The following CLCN7 variants were observed in gnomAD, a reference collection of about 807,000 sequenced individuals.
CLCN7 encodes the protein H(+)/Cl(-) exchange transporter 7.
Under a neutral mutation model 102.1 loss-of-function variants are expected in CLCN7, and 60 were observed. The observed-to-expected ratio is 0.59, with a 90% CI of 0.48 to 0.73. The LOEUF (loss-of-function observed/expected upper bound fraction) is 0.73, where lower values mean the gene tolerates loss of function less well. CLCN7 is among the 30% of genes least tolerant of loss of function. The probability of loss-of-function intolerance (pLI) is 0.00; values close to 1 mark genes in which losing one functional copy is unlikely to be tolerated. For missense variants in CLCN7, 962 were observed against 1,125.7 expected, an observed-to-expected ratio of 0.85 and a Z score of 2.08; for synonymous variants, 560 against 490.5, an observed-to-expected ratio of 1.14 and a Z score of -1.87.
rs1301605920 is a variant in CLCN7, at chr16:1,474,875, T to C, written c.100A>G (p.Thr34Ala). 2.1e-6 allele frequency: 3 copies of C among 1,441,838 alleles called. No individual in the cohort carries two copies. The highest frequency in any genetic ancestry group is 9.1e-7 in the Non-Finnish European group (1 of 1,099,850). The allele number at this position is 1,441,838 out of a possible 1,614,324, so 89.3% of individuals were successfully genotyped here. The part of the protein sequence containing the change: ...LRRTARPGGG[T>A]PLLNGAGPGA... Reference sequence around the variant, plus strand: ...GGCCCAGCCCCGTTCAGCAGCGGCGTCCCCCCGCCGGGCCGCGCCGTCCTC... The same window carrying C: ...GGCCCAGCCCCGTTCAGCAGCGGCGCCCCCCCGCCGGGCCGCGCCGTCCTC... Residue 34 changes from threonine to alanine, a missense_variant, in exon 1 of 25, where the codon ACG becomes GCG. By Grantham distance (58) the Thr-to-Ala change is moderately conservative (BLOSUM62 0). This residue lies in a region of CLCN7 where 163 missense variants were observed against 137.7 expected (regional missense o/e 1.18). Transcript: ENST00000382745.
At position 1,468,578 on chromosome 16, in the gene CLCN7, C is replaced by T. The variant is rs531821155; in HGVS notation, c.142-3240G>A. On this transcript the variant is annotated intron_variant, in intron 1 of 24. Transcript: ENST00000382745. ...CTCCTGCCACACACGGCAACCTACA[C>T]GGTCCCAAGCGCCGGACACTAACTA... Among the ~76,000 whole-genome samples the T allele has an allele frequency of 2.8e-3, 420 of 152,274 alleles. 1 individual carries two copies. Among genetic ancestry groups the T allele is most frequent in the Non-Finnish European group, 2.5e-3 (170 of 68,026 alleles).
At chr16:1,463,401 A>T (rs1425378210) in intron 2 of CLCN7, among the ~76,000 whole-genome samples, 1 of 152,158 alleles carries the variant, frequency 6.6e-6, no homozygotes, top group South Asian at 2.1e-4. Context: ...GAAGAAGCTG[A>T]AACGGGAGGA....
chr16:1,447,661 CT>C lies in CLCN7; in HGVS notation c.2066del (p.Lys689SerfsTer18), dbSNP rs2142366092. 1 of 1,557,518 alleles carries C rather than the reference CT, an allele frequency of 6.4e-7. No homozygotes were observed. Among genetic ancestry groups the C allele is most frequent in the Non-Finnish European group, 8.7e-7 (1 of 1,151,030 alleles). ...ILRSQLIVLL[K>X]HKVFVERSNL... is the part of the protein sequence containing the mutation. ...CCCGGAGCCTGGCACGCACCTTGTG[CT>C]TTAGGAGAACGATGAGCTGGGAGCG... On this transcript the variant is annotated frameshift_variant, in exon 22 of 25. Transcript: ENST00000382745. LOFTEE classifies it high-confidence loss of function.
At chr16:1,470,085 T>G (rs998228778) in intron 1 of CLCN7, among the ~76,000 whole-genome samples, 1 of 152,210 alleles carries the variant, frequency 6.6e-6, no homozygotes, top group South Asian at 2.1e-4. Flanking sequence ...CAGTTTCAGT[T>G]TGGCAAGGAA....
At chr16:1,447,761 G>T (rs1422504142) in intron 21 of CLCN7, 47 bp from the exon 22 acceptor site, 6 of 1,537,640 alleles carry the variant, frequency 3.9e-6, no homozygotes, top group Non-Finnish European at 5.3e-6. Context: ...AGGGTGGGAG[G>T]CTGCGCTGGA....
chr16:1,467,060 G>A (rs367702089), intron 1 of CLCN7, among the ~76,000 whole-genome samples: 6 of 151,732 alleles, frequency 4.0e-5, no homozygotes, highest in East Asian at 1.9e-4. Context: ...TTGATGACCC[G>A]GTAAGTGGCC....
At chr16:1,473,370 C>CTTTTTTTTTT (rs779736867) in intron 1 of CLCN7, among the ~76,000 whole-genome samples, 3 of 76,680 alleles carry the variant, frequency 3.9e-5, no homozygotes, top group African/African-American at 5.8e-5. Context: ...CCTTCCTAAA[C>CTTTTTTTTTT]TTTTTTTTTT....
At position 1,446,356 on chromosome 16, in the gene CLCN7, A is replaced by G; in HGVS notation, c.*275T>C. 1.4e-6 allele frequency: 1 copy of G among 702,200 alleles called. No homozygotes were observed. Among genetic ancestry groups the G allele is most frequent in the Non-Finnish European group, 2.6e-6 (1 of 384,728 alleles). 43.5% of individuals were successfully genotyped at this position (702,200 alleles called of 1,614,324 possible). On this transcript the variant is annotated 3_prime_UTR_variant, in exon 25 of 25. Transcript: ENST00000382745. ...ATAGCCCGGTAGGGAGGTCACACAC[A>G]CACAGCTGATCCCTGGAGGTAAAGA...
chr16:1,447,470 G>C lies in CLCN7; in HGVS notation c.2172C>G (p.Ile724Met). Residue 724 changes from isoleucine to methionine, a missense_variant, in exon 23 of 25, where the codon ATC becomes ATG. This residue lies in a region of CLCN7 where 799 missense variants were observed against 988.0 expected (regional missense o/e 0.81). Coordinates refer to ENST00000382745, the MANE Select transcript of CLCN7 (RefSeq NM_001287.6). Reference protein sequence around the residue: ...AYPRFPPIQSIHVSQDERECT... With the variant: ...AYPRFPPIQSMHVSQDERECT... ...ACTCCCGCTCGTCCTGGGACACGTG[G>C]ATGGACTGGATGGGTGGGAAGCGCG... 5 of 1,552,982 alleles carry C rather than the reference G, an allele frequency of 3.2e-6. No individual in the cohort carries two copies. Among genetic ancestry groups the C allele is most frequent in the Non-Finnish European group, 4.4e-6 (5 of 1,148,370 alleles).
At position 1,450,587 on chromosome 16, in the gene CLCN7, C is replaced by T. The variant is rs1596213747; in HGVS notation, c.1527G>A (p.Val509=). 1 of 1,612,426 alleles carries T rather than the reference C, an allele frequency of 6.2e-7. No individual in the cohort carries two copies. The highest frequency in any genetic ancestry group is 8.5e-7 in the Non-Finnish European group (1 of 1,179,742). ...FLACWTYGLT[V]SAGVFIPSLL... is the part of the protein sequence containing the mutation. Reference sequence around the variant, plus strand: ...GGGACGGGATGAAGACCCCGGCAGACACCGTGAGCCCGTAGGTCCAGCAGG... The same window carrying T: ...GGGACGGGATGAAGACCCCGGCAGATACCGTGAGCCCGTAGGTCCAGCAGG... The change falls in exon 17 of 25, where the codon GTG becomes GTA. Residue 509 remains valine, a synonymous_variant. Transcript: ENST00000382745.
At chr16:1,474,785 G>T (rs1347969471) in intron 1 of CLCN7, 49 bp downstream of exon 1, 2 of 1,237,922 alleles carry the variant, frequency 1.6e-6, no homozygotes, top group South Asian at 2.8e-5. Context: ...CGCGGGCTGC[G>T]GGGCGCACGA....
rs2038635689 is a variant in CLCN7 at position 1,446,139 on chromosome 16, C to T, written c.*492G>A. On this transcript the variant is annotated 3_prime_UTR_variant, in exon 25 of 25. Transcript: ENST00000382745. ...GTCCGTGCCTCAGGCCCAGGGACCA[C>T]AGGCCGTCTGCTCATGGCTGAAAAT... 3 of 599,548 alleles carry T rather than the reference C, an allele frequency of 5.0e-6. No homozygotes were observed. The highest frequency in any genetic ancestry group is 1.9e-5 in the African/African-American group (1 of 53,754). The allele number at this position is 599,548 out of a possible 1,614,324, so 37.1% of individuals were successfully genotyped here.
chr16:1,447,236 C>T, intron 23 of CLCN7, 150 bp from the exon 24 acceptor site: 3 of 1,154,524 alleles, frequency 2.6e-6, no homozygotes, highest in South Asian at 1.4e-5. Context: ...AGCCCCTTGA[C>T]TTCAGCTCTA....
At chr16:1,449,156 G>A (rs1303334060) in intron 18 of CLCN7, 63 bp from the exon 19 acceptor site, 4 of 1,603,702 alleles carry the variant, frequency 2.5e-6, no homozygotes, top group Admixed American at 1.7e-5. Flanking sequence ...CGTGGCCACT[G>A]CCTTCTCTGC....
At chr16:1,454,542 A>G (rs1359328709) in intron 12 of CLCN7, 77 bp from the exon 13 acceptor site, 1 of 1,386,114 alleles carries the variant, frequency 7.2e-7, no homozygotes, top group Non-Finnish European at 1.0e-6. Context: ...CTCAAGGACC[A>G]CCATCTTAAG....
At chr16:1,458,125 C>T (rs980075746) in intron 7 of CLCN7, among the ~76,000 whole-genome samples, 8 of 152,358 alleles carry the variant, frequency 5.3e-5, no homozygotes, top group African/African-American at 1.9e-4. Context: ...CCTAGCAAGG[C>T]TCCTCATACA....
chr16:1,450,429 C>T (rs1011553542), intron 17 of CLCN7, 68 bp downstream of exon 17: 84 of 1,447,646 alleles, frequency 5.8e-5, no homozygotes, highest in Admixed American at 1.4e-4. Context: ...ACTTCTGCTC[C>T]GGCCCGCGAT....
chr16:1,473,644 A>T (rs1409829775), intron 1 of CLCN7, among the ~76,000 whole-genome samples: 1 of 150,634 alleles, frequency 6.6e-6, no homozygotes, highest in African/African-American at 2.4e-5. Context: ...AAGTGCTGGG[A>T]TTACAGATGT....
chr16:1,459,369 C>T, intron 6 of CLCN7, 182 bp from the exon 7 acceptor site: 1 of 520,548 alleles, frequency 1.9e-6, no homozygotes, highest in Non-Finnish European at 3.5e-6. Flanking sequence ...ACGTCAGGGC[C>T]CCAGGGAAGG....
Sources: gnomAD v4.1 joint callset for allele counts (sites outside exome capture counted in the v4.1 genomes callset) on GRCh38, gnomAD v4.1.1 for gene constraint, gnomAD v4.1.1 regional missense constraint, MANE v1.5 for transcripts, NCBI Gene and HGNC (gene_info 2026-07-23, HGNC 2026-07-21) for gene names.